TBC1D14: variants seen among roughly 807,000 people sequenced by gnomAD.
TBC1D14 encodes the protein TBC1 domain family, member 14.
TBC1D14 carries 26 observed loss-of-function variants against 79.0 expected under a neutral mutation model. The ratio of observed to expected loss-of-function variants is 0.33; its 90% CI spans 0.24 to 0.46. TBC1D14 has a LOEUF of 0.46. Among genes scored for constraint, TBC1D14 ranks in the 20% least tolerant of loss-of-function variants. TBC1D14 has a pLI of 1.00. For missense variants in TBC1D14, 769 were observed against 887.6 expected (o/e 0.87, Z 1.70); for synonymous variants, 394 against 349.9 (o/e 1.13, Z -1.40).
In TBC1D14 at chr4:7,025,214, C is replaced by G. The variant is rs924209557; in HGVS notation, c.1968C>G (p.Ala656=). The G allele has an allele frequency of 1.2e-6, 2 of 1,614,140 alleles. No individual in the cohort carries two copies. The highest frequency in any genetic ancestry group is 1.3e-5 in the African/African-American group (1 of 74,948). The change falls in exon 13 of 14, where the codon GCC becomes GCG. Residue 656 remains alanine, a synonymous_variant. Transcript: ENST00000409757. ...PEDLPAEELF[A]SIATIQMQSR... The stretch of plus-strand genomic sequence containing the variant: ...ACCTGCCCGCCGAGGAGCTGTTTGC[C>G]TCCATCGCCACGATCCAGATGCAGA...
intron 2 of TBC1D14, among the ~76,000 whole-genome samples, chr4:6,938,383 A>G (rs1390705579): frequency 6.6e-6 from 1 of 152,138 alleles, no homozygotes; most frequent in Non-Finnish European, 1.5e-5. Context: ...CAAGGGGGGA[A>G]GTCAATGCCA....
intron 2 of TBC1D14, among the ~76,000 whole-genome samples, chr4:6,944,025 TG>T (rs970331896): frequency 6.3e-5 from 4 of 63,306 alleles, no homozygotes; most frequent in African/African-American, 1.5e-4. Context: ...CGGCGCGTTC[TG>T]CCGGGGGTTT....
chr4:7,011,535 GGTTTTTTTT>G (rs1392620112), intron 11 of TBC1D14, among the ~76,000 whole-genome samples: 3 of 151,826 alleles, frequency 2.0e-5, no homozygotes, highest in African/African-American at 7.3e-5. Flanking sequence ...AGCCCATCAG[GGTTTTTTTT>G]GTTTTTTTTG....
At chr4:6,915,360 G>A (rs1306244159) in intron 1 of TBC1D14, among the ~76,000 whole-genome samples, 1 of 152,194 alleles carries the variant, frequency 6.6e-6, no homozygotes, top group African/African-American at 2.4e-5. Flanking sequence ...GTAGGGGGTT[G>A]GGGGTCACTG....
chr4:6,943,858 C>T (rs1713158914), intron 2 of TBC1D14, among the ~76,000 whole-genome samples: 1 of 146,862 alleles, frequency 6.8e-6, no homozygotes, highest in Non-Finnish European at 1.5e-5. Context: ...GGATCTGGCA[C>T]ACTTAACTTT....
intron 7 of TBC1D14, among the ~76,000 whole-genome samples, chr4:7,004,028 A>C (rs1182501484): frequency 6.6e-6 from 1 of 152,162 alleles, no homozygotes; most frequent in Non-Finnish European, 1.5e-5. Context: ...AGAAAAAGCC[A>C]GATGACCAGG....
At chr4:7,011,800 C>T (rs980265892) in intron 11 of TBC1D14, among the ~76,000 whole-genome samples, 2 of 151,724 alleles carry the variant, frequency 1.3e-5, no homozygotes, top group Non-Finnish European at 2.9e-5. Flanking sequence ...TCAAGTGATC[C>T]ACCTGCCTCG....
intron 10 of TBC1D14, 30 bp from the exon 11 acceptor site, chr4:7,010,623 A>G (rs1267986746): frequency 6.2e-7 from 1 of 1,604,758 alleles, no homozygotes; most frequent in South Asian, 1.1e-5. Flanking sequence ...GGCCACTGTG[A>G]TTTTAACGTG....
intron 2 of TBC1D14, among the ~76,000 whole-genome samples, chr4:6,934,235 G>C (rs10937770): frequency 0.65 from 98,328 of 150,936 alleles, 32,582 homozygotes; most frequent in South Asian, 0.8. Flanking sequence ...GCCGGCACCA[G>C]GAGATCTGGG....
At chr4:7,021,352 C>G (rs1256811252) in intron 12 of TBC1D14, among the ~76,000 whole-genome samples, 3 of 152,202 alleles carry the variant, frequency 2.0e-5, no homozygotes, top group African/African-American at 7.2e-5. Flanking sequence ...AGTCCCAGCA[C>G]TTTGAGAGGC....
chr4:6,923,879 A>G lies in TBC1D14; in HGVS notation c.490A>G (p.Thr164Ala). 6.2e-7 allele frequency: 1 copy of G among 1,614,090 alleles called. No homozygotes were observed. Among genetic ancestry groups the G allele is most frequent in the South Asian group, 1.1e-5 (1 of 91,080 alleles). Residue 164 changes from threonine (T) to alanine (A), a missense_variant, in exon 2 of 14, where the codon ACA becomes GCA. Physicochemically the swap from Thr to Ala is moderately conservative, Grantham distance 58. Coordinates refer to ENST00000409757, the MANE Select transcript of TBC1D14 (RefSeq NM_020773.3). ...VSVCSVSSLGTELSTTLSVSN... is the reference protein window; with the variant it reads ...VSVCSVSSLGAELSTTLSVSN... ...CGTCTGCAGCGTGTCCAGTCTTGGG[A>G]CAGAGCTGTCCACCACGCTGTCCGT... is the stretch of plus-strand genomic sequence containing the variant.
At chr4:6,963,897 A>C (rs1324056355) in intron 2 of TBC1D14, among the ~76,000 whole-genome samples, 3 of 152,038 alleles carry the variant, frequency 2.0e-5, no homozygotes, top group Non-Finnish European at 4.4e-5. Context: ...CCCAGGTTCA[A>C]GCGATTCTTT....
intron 3 of TBC1D14, among the ~76,000 whole-genome samples, chr4:6,989,672 G>T (rs1718286235): frequency 6.6e-6 from 1 of 152,174 alleles, no homozygotes; most frequent in African/African-American, 2.4e-5. Context: ...AAACTGCCAG[G>T]CCCGCGTGGT....
intron 1 of TBC1D14, among the ~76,000 whole-genome samples, chr4:6,911,553 C>G (rs867448522): frequency 6.6e-6 from 1 of 152,278 alleles, no homozygotes; most frequent in Admixed American, 6.5e-5. Flanking sequence ...CTTTGCCTCT[C>G]CTGGCTTCTG....
chr4:6,983,583 C>T (rs570391233), intron 3 of TBC1D14, among the ~76,000 whole-genome samples: 4 of 152,292 alleles, frequency 2.6e-5, no homozygotes, highest in South Asian at 4.1e-4. Context: ...ACAGGTCTAT[C>T]AGGAGATTAT....
chr4:7,026,854 G>A (rs1305713590), intron 13 of TBC1D14, among the ~76,000 whole-genome samples: 5 of 152,186 alleles, frequency 3.3e-5, no homozygotes, highest in African/African-American at 4.8e-5. Context: ...CTGTGATTGC[G>A]GCACTGTGCT....
chr4:7,014,176 T>G (rs1345567755), intron 11 of TBC1D14, among the ~76,000 whole-genome samples: 1 of 152,252 alleles, frequency 6.6e-6, no homozygotes, highest in Non-Finnish European at 1.5e-5. Context: ...GCTTGTGCCC[T>G]TATTTGGCAA....
chr4:6,957,536 T>A (rs1397598635), intron 2 of TBC1D14, among the ~76,000 whole-genome samples: 2 of 152,224 alleles, frequency 1.3e-5, no homozygotes, highest in Non-Finnish European at 2.9e-5. Context: ...CATATAGCGC[T>A]CGCCTCTTGC....
chr4:6,951,092 C>T (rs1170007961), intron 2 of TBC1D14, among the ~76,000 whole-genome samples: 1 of 152,132 alleles, frequency 6.6e-6, no homozygotes, highest in Non-Finnish European at 1.5e-5. Context: ...GAGTTTGAGA[C>T]CAGCCTGGCC....
Sources: gnomAD v4.1 joint callset for allele counts (sites outside exome capture counted in the v4.1 genomes callset) on GRCh38, gnomAD v4.1.1 for gene constraint, MANE v1.5 for transcripts, NCBI Gene and HGNC (gene_info 2026-07-23, HGNC 2026-07-21) for gene names.